KIAA0825: variants seen among roughly 807,000 people sequenced by gnomAD.
KIAA0825 encodes KIAA0825.
In KIAA0825, 119 loss-of-function variants were observed where a neutral mutation model predicts 147.6. That is an observed-to-expected ratio of 0.81 (90% CI 0.69 to 0.94). The LOEUF (loss-of-function observed/expected upper bound fraction) is 0.94. KIAA0825 is among the 40% of genes least tolerant of loss of function. The pLI is 0.00. For missense variants in KIAA0825, 1,381 were observed against 1,472.7 expected (o/e 0.94, Z 1.02); for synonymous variants, 470 against 518.1 (o/e 0.91, Z 1.26).
In KIAA0825 at chr5:94,151,909, C is replaced by A. The variant is rs2149893518; in HGVS notation, c.*2098G>T. Among the ~76,000 whole-genome samples, 1 of 152,258 alleles carries A rather than the reference C, an allele frequency of 6.6e-6. No homozygotes were observed. The highest frequency in any genetic ancestry group is 2.4e-5 in the African/African-American group (1 of 41,554). ...TATGCAGATTTAGTACACAGACCAC[C>A]ACTTAGCTGAAGGAATAAAGTCAAC... On this transcript the variant is annotated 3_prime_UTR_variant, in exon 21 of 21. Transcript: ENST00000682413.
At chr5:94,204,220 A>G (rs1562311359) in intron 20 of KIAA0825, among the ~76,000 whole-genome samples, 1 of 152,196 alleles carries the variant, frequency 6.6e-6, no homozygotes, top group Non-Finnish European at 1.5e-5. Flanking sequence ...TTTCCTTTAA[A>G]CCAAAATAGT....
In KIAA0825 at chr5:94,403,564, C is replaced by T; in HGVS notation, c.2887+5G>A. 6.5e-7 allele frequency: 1 copy of T among 1,549,192 alleles called. No individual in the cohort carries two copies. The highest frequency in any genetic ancestry group is 8.7e-7 in the Non-Finnish European group (1 of 1,145,214). Reference sequence around the variant, plus strand: ...ATTTTCTTAAAGAGAAACAAGTGTACTTACTTTTGCATGATTCTTTCCTGT... The same window carrying T: ...ATTTTCTTAAAGAGAAACAAGTGTATTTACTTTTGCATGATTCTTTCCTGT... On this transcript the variant is annotated splice_donor_5th_base_variant and intron_variant, in intron 16 of 20. Transcript: ENST00000682413.
At chr5:94,495,714 C>T (rs575781709) in intron 5 of KIAA0825, among the ~76,000 whole-genome samples, 1 of 152,276 alleles carries the variant, frequency 6.6e-6, no homozygotes, top group South Asian at 2.1e-4. Flanking sequence ...AAGAAAAACT[C>T]AGTGTTGAAA....
chr5:94,385,649 G>A (rs948697354), intron 19 of KIAA0825, among the ~76,000 whole-genome samples: 8 of 152,106 alleles, frequency 5.3e-5, no homozygotes, highest in African/African-American at 7.2e-5. Flanking sequence ...TGAAACATGC[G>A]GCTTAGACGA....
Position 94,381,428 on chromosome 5 carries a change from G to A in KIAA0825, c.3710+2940C>T, listed in dbSNP as rs780065961. 3.3e-5 allele frequency among the ~76,000 whole-genome samples: 5 copies of A among 152,282 alleles called. No individual in the cohort carries two copies. In the South Asian group the frequency reaches 6.2e-4, roughly 19 times the overall value. On this transcript the variant is annotated intron_variant, in intron 20 of 20. Coordinates refer to ENST00000682413, the MANE Select transcript of KIAA0825 (RefSeq NM_001145678.3). ...GCAAAACTTGCATTTGTTGCATGCC[G>A]AGTATTACATTGAATCCACACAAAT...
chr5:94,196,999 A>G (rs1771194556), intron 20 of KIAA0825, among the ~76,000 whole-genome samples: 1 of 152,148 alleles, frequency 6.6e-6, no homozygotes, highest in African/African-American at 2.4e-5. Context: ...TGGGATTGCT[A>G]AGTTCAAAGG....
intron 11 of KIAA0825, among the ~76,000 whole-genome samples, chr5:94,462,873 C>G (rs1416822830): frequency 6.6e-6 from 1 of 151,700 alleles, no homozygotes; most frequent in Non-Finnish European, 1.5e-5. Context: ...CTCAAGAGAT[C>G]ATCCCGGAAA....
intron 20 of KIAA0825, among the ~76,000 whole-genome samples, chr5:94,358,722 T>G (rs1041241825): frequency 1.3e-5 from 2 of 152,222 alleles, no homozygotes; most frequent in Non-Finnish European, 2.9e-5. Context: ...TATGTATCAC[T>G]GAACCTGTTA....
chr5:94,537,383 G>A (rs1254263027), intron 2 of KIAA0825, among the ~76,000 whole-genome samples: 3 of 152,178 alleles, frequency 2.0e-5, no homozygotes, highest in Non-Finnish European at 4.4e-5. Context: ...CGGGCGCGGT[G>A]GCTCACGCCT....
intron 2 of KIAA0825, among the ~76,000 whole-genome samples, chr5:94,571,512 A>G (rs1439363722): frequency 6.6e-6 from 1 of 152,258 alleles, no homozygotes. Context: ...AATAAAAGAA[A>G]TTAATTCAGA....
chr5:94,232,005 T>C (rs964133904), intron 20 of KIAA0825, among the ~76,000 whole-genome samples: 9 of 152,120 alleles, frequency 5.9e-5, no homozygotes, highest in Admixed American at 5.9e-4. Flanking sequence ...ATTTTTTATA[T>C]GTTGCTTTGG....
intron 20 of KIAA0825, among the ~76,000 whole-genome samples, chr5:94,220,420 T>C (rs947952014): frequency 6.6e-6 from 1 of 152,212 alleles, no homozygotes; most frequent in African/African-American, 2.4e-5. Flanking sequence ...GAAGGAAATA[T>C]ATAAACCAGT....
intron 14 of KIAA0825, 134 bp from the exon 15 acceptor site, chr5:94,417,499 T>A: frequency 1.5e-6 from 1 of 650,976 alleles, no homozygotes; most frequent in Non-Finnish European, 2.4e-6. Context: ...AAAAGAGAAT[T>A]ACCAGATTAT....
chr5:94,507,037 A>G (rs1250160386), intron 5 of KIAA0825, among the ~76,000 whole-genome samples: 4 of 152,224 alleles, frequency 2.6e-5, no homozygotes, highest in Non-Finnish European at 5.9e-5. Flanking sequence ...TACCAAAAAA[A>G]TAAGTGTTAT....
chr5:94,610,637 G>A (rs1186631317), intron 1 of KIAA0825, among the ~76,000 whole-genome samples: 1 of 147,818 alleles, frequency 6.8e-6, no homozygotes, highest in Non-Finnish European at 1.5e-5. Flanking sequence ...TGGACTGTGT[G>A]CCTGTAGTCC....
At chr5:94,225,701 G>A (rs553589014) in intron 20 of KIAA0825, among the ~76,000 whole-genome samples, 28 of 152,256 alleles carry the variant, frequency 1.8e-4, no homozygotes, top group Admixed American at 3.9e-4. Flanking sequence ...CCAGCCTCCT[G>A]AGCTGTGAGA....
intron 20 of KIAA0825, among the ~76,000 whole-genome samples, chr5:94,223,134 G>A (rs1562320835): frequency 2.0e-5 from 3 of 152,038 alleles, no homozygotes; most frequent in South Asian, 2.1e-4. Context: ...TTACATTTTT[G>A]TCCAAACAAT....
chr5:94,229,166 T>A (rs976246569), intron 20 of KIAA0825, among the ~76,000 whole-genome samples: 1 of 152,230 alleles, frequency 6.6e-6, no homozygotes, highest in Admixed American at 6.5e-5. Flanking sequence ...GCTCCATTAT[T>A]TTGCCAATGC....
intron 20 of KIAA0825, among the ~76,000 whole-genome samples, chr5:94,204,448 G>A (rs762134662): frequency 1.3e-5 from 2 of 152,084 alleles, no homozygotes; most frequent in Non-Finnish European, 2.9e-5. Flanking sequence ...ATCACCATTC[G>A]ATTCTTTGTG....
Sources: allele counts gnomAD v4.1 joint callset (sites outside exome capture counted in the v4.1 genomes callset), GRCh38; gene constraint gnomAD v4.1.1; transcripts MANE v1.5; gene names NCBI Gene and HGNC (gene_info 2026-07-23, HGNC 2026-07-21).